KLHL2: variants seen among roughly 807,000 people sequenced by gnomAD.
KLHL2 encodes kelch like family member 2.
Under a neutral mutation model 75.8 loss-of-function variants are expected in KLHL2, and 15 were observed. That is an observed-to-expected ratio of 0.20 (90% confidence interval 0.13 to 0.30). The LOEUF is 0.30. Among genes scored for constraint, KLHL2 ranks in the 10% least tolerant of loss-of-function variants. The probability of loss-of-function intolerance (pLI) is 1.00; values close to 1 mark genes in which losing one functional copy is unlikely to be tolerated. For missense variants in KLHL2, 381 were observed against 741.0 expected (o/e 0.51, Z 5.64); for synonymous variants, 214 against 251.9 (o/e 0.85, Z 1.42).
chr4:165,207,971 G>A lies in KLHL2; in HGVS notation c.26+69G>A. On this transcript the variant is annotated intron_variant, in intron 1 of 14. Coordinates refer to ENST00000226725, the MANE Select transcript of KLHL2 (RefSeq NM_007246.4). The surrounding 1 kb of genome is among the most constrained non-coding windows in gnomAD (Gnocchi z 4.2). ...GCCGCTGCGGCGCGTGTCGCCGGCC[G>A]CGGGCGCAGCTCTGGGGACAGCCGC... 2 of 1,197,128 alleles carry A rather than the reference G, an allele frequency of 1.7e-6. No individual in the cohort carries two copies. The highest frequency in any genetic ancestry group is 2.1e-6 in the Non-Finnish European group (2 of 949,232). The allele number at this position is 1,197,128 out of a possible 1,614,324, so 74.2% of individuals were successfully genotyped here. A position where few individuals can be genotyped will look rare whatever the true frequency, so the allele number is the denominator to read the frequency against.
intron 5 of KLHL2, among the ~76,000 whole-genome samples, chr4:165,293,003 A>G (rs2126485126): frequency 6.6e-6 from 1 of 152,312 alleles, no homozygotes; most frequent in East Asian, 1.9e-4. Flanking sequence ...TATTTTTATT[A>G]TCCTCATTTT....
At chr4:165,312,498 C>T (rs1384720595) in intron 11 of KLHL2, among the ~76,000 whole-genome samples, 1 of 151,886 alleles carries the variant, frequency 6.6e-6, no homozygotes, top group African/African-American at 2.4e-5. Flanking sequence ...AATCTGTGCA[C>T]TTAGAAAAAA....
At chr4:165,308,777 A>G (rs73860632) in intron 9 of KLHL2, among the ~76,000 whole-genome samples, 2,728 of 152,280 alleles carry the variant, frequency 0.018, 71 homozygotes, top group African/African-American at 0.061. Flanking sequence ...TGATTTTGGG[A>G]TACAGGATTG....
intron 5 of KLHL2, among the ~76,000 whole-genome samples, chr4:165,284,887 G>A (rs920741645): frequency 6.6e-6 from 1 of 152,220 alleles, no homozygotes; most frequent in Non-Finnish European, 1.5e-5. Context: ...ATCCTACATG[G>A]ATGGCAGCAG....
chr4:165,215,200 C>A (rs557349696), intron 1 of KLHL2, among the ~76,000 whole-genome samples: 50 of 152,306 alleles, frequency 3.3e-4, no homozygotes, highest in African/African-American at 1.2e-3. Context: ...CTACCATAGA[C>A]CCAAACGTGT....
rs1743049601 is a variant in KLHL2, at chr4:165,275,924, C to T, written c.544+12565C>T. 2.0e-5 allele frequency among the ~76,000 whole-genome samples: 3 copies of T among 151,628 alleles called. No individual in the cohort carries two copies. The South Asian group carries it at 6.3e-4, about 32-fold the overall frequency. ...TTGCTTGAGGCCTGGAGTTTGAGACCAGCCTGGCCAACATGGTAAAACCAG... is the reference window on the plus strand; with the variant it reads ...TTGCTTGAGGCCTGGAGTTTGAGACTAGCCTGGCCAACATGGTAAAACCAG... On this transcript the variant is annotated intron_variant, in intron 5 of 14. Transcript: ENST00000226725.
chr4:165,239,146 A>T (rs1334500101), intron 4 of KLHL2, among the ~76,000 whole-genome samples: 1 of 152,222 alleles, frequency 6.6e-6, no homozygotes, highest in Admixed American at 6.5e-5. Context: ...TCTTTCATGA[A>T]AACACTGTCA....
Position 165,317,983 on chromosome 4 carries a change from C to T in KLHL2, c.1753+14C>T. ...GAAGTTATGCAGGTAACAGTTGTCT[C>T]TAAAGTCAATTTCCGTACAAAAAGA... is the stretch of plus-strand genomic sequence containing the variant. On this transcript the variant is annotated intron_variant, in intron 14 of 14. Transcript: ENST00000226725. 1 of 1,609,570 alleles carries T rather than the reference C, an allele frequency of 6.2e-7. No individual in the cohort carries two copies. Among genetic ancestry groups the T allele is most frequent in the South Asian group, 1.1e-5 (1 of 90,220 alleles).
intron 4 of KLHL2, chr4:165,240,575 A>G (rs1363772040): frequency 7.3e-5 from 11 of 150,602 alleles, no homozygotes; most frequent in Non-Finnish European, 1.3e-4. Context: ...AGTGTTTGGT[A>G]TATGTCATGA....
intron 5 of KLHL2, among the ~76,000 whole-genome samples, chr4:165,291,687 G>T (rs1355640497): frequency 6.6e-6 from 1 of 152,134 alleles, no homozygotes; most frequent in African/African-American, 2.4e-5. Flanking sequence ...TCGACCTACA[G>T]TCATCCCTTG....
At chr4:165,293,386 A>G (rs764976975) in intron 5 of KLHL2, among the ~76,000 whole-genome samples, 1 of 152,224 alleles carries the variant, frequency 6.6e-6, no homozygotes, top group African/African-American at 2.4e-5. Flanking sequence ...AAGAATTACT[A>G]ATTTTACAAG....
chr4:165,240,996 G>A (rs1739776935), intron 4 of KLHL2, among the ~76,000 whole-genome samples: 1 of 152,110 alleles, frequency 6.6e-6, no homozygotes, highest in African/African-American at 2.4e-5. Context: ...GAAAACTCTT[G>A]CCATCCTAAT....
chr4:165,254,180 A>G (rs1740970761), intron 4 of KLHL2, among the ~76,000 whole-genome samples: 1 of 152,232 alleles, frequency 6.6e-6, no homozygotes, highest in African/African-American at 2.4e-5. Context: ...AGTTGTTCTA[A>G]TATGATGATA....
chr4:165,264,721 CATATATATATATATATATGTAT>C lies in KLHL2; in HGVS notation c.544+1381_544+1402del, dbSNP rs1242344381. The stretch of plus-strand genomic sequence containing the variant: ...GTGTGTGTGTATATATATATATATA[CATATATATATATATATATGTAT>C]ATATATATATATATATATATATAAA... On this transcript the variant is annotated intron_variant, in intron 5 of 14. Transcript: ENST00000226725. Among the ~76,000 whole-genome samples the C allele has an allele frequency of 4.5e-4, 32 of 71,200 alleles. 1 individual carries two copies. In the South Asian group the frequency reaches 8.5e-3, roughly 19 times the overall value. 46.7% of individuals were successfully genotyped at this position (71,200 alleles called of 152,430 possible).
chr4:165,255,221 GC>G (rs1180208581), intron 4 of KLHL2, among the ~76,000 whole-genome samples: 6 of 152,102 alleles, frequency 3.9e-5, no homozygotes, highest in African/African-American at 1.2e-4. Context: ...TACTACCTTT[GC>G]TTTTCTACTT....
rs1015453686 is a variant in KLHL2 at position 165,322,819 on chromosome 4, T to C, written c.*759T>C. Reference sequence around the variant, plus strand: ...ACTTTTTAAAATACAATATAAATTATGCTTATTTATTATTTTCTTTAGTTT... The same window carrying C: ...ACTTTTTAAAATACAATATAAATTACGCTTATTTATTATTTTCTTTAGTTT... On this transcript the variant is annotated 3_prime_UTR_variant, in exon 15 of 15. Coordinates refer to ENST00000226725, the MANE Select transcript of KLHL2 (RefSeq NM_007246.4). The C allele has an allele frequency of 6.6e-6, 1 of 152,666 alleles. No homozygotes were observed. Among genetic ancestry groups the C allele is most frequent in the Non-Finnish European group, 1.5e-5 (1 of 68,034 alleles). The allele number at this position is 152,666 out of a possible 1,614,324, so 9.5% of individuals were successfully genotyped here.
chr4:165,236,837 AT>A (rs1412155014), intron 3 of KLHL2, among the ~76,000 whole-genome samples: 3 of 152,094 alleles, frequency 2.0e-5, no homozygotes, highest in African/African-American at 7.2e-5. Flanking sequence ...GGGGAGAAAA[AT>A]AATCTTAAAA....
chr4:165,310,355 A>G (rs192751980), intron 9 of KLHL2, among the ~76,000 whole-genome samples, 198 bp from the exon 10 acceptor site: 1 of 152,260 alleles, frequency 6.6e-6, no homozygotes, highest in Non-Finnish European at 1.5e-5. Context: ...TAATAATAAT[A>G]ATAACCTTAG....
intron 5 of KLHL2, chr4:165,279,771 T>A (rs534147254): frequency 1.3e-6 from 1 of 774,856 alleles, no homozygotes; most frequent in East Asian, 2.6e-5. Context: ...GCCTCACTTC[T>A]TTACTGGCTG....
Sources: gnomAD v4.1 joint callset for allele counts (sites outside exome capture counted in the v4.1 genomes callset) on GRCh38, gnomAD v4.1.1 for gene constraint, Gnocchi (gnomAD v3.1) non-coding constraint, MANE v1.5 for transcripts, NCBI Gene and HGNC (gene_info 2026-07-23, HGNC 2026-07-21) for gene names.